The following CLCNKA variants were observed in gnomAD, a reference collection of about 807,000 sequenced individuals.
CLCNKA encodes the protein chloride voltage-gated channel Ka, also known as chloride channel protein ClC-Ka.
CLCNKA carries 66 observed loss-of-function variants against 83.3 expected under a neutral mutation model. The ratio of observed to expected loss-of-function variants is 0.79; its 90% CI spans 0.65 to 0.97. The LOEUF (loss-of-function observed/expected upper bound fraction) is 0.97. Among genes scored for constraint, CLCNKA ranks in the 50% least tolerant of loss-of-function variants. CLCNKA has a pLI of 0.00. For missense variants in CLCNKA, 806 were observed against 888.7 expected (o/e 0.91, Z 1.18); for synonymous variants, 357 against 370.4 (o/e 0.96, Z 0.42).
chr1:16,023,690 A>C (rs2022229281), intron 2 of CLCNKA, 110 bp from the exon 3 acceptor site: 2 of 1,355,044 alleles, frequency 1.5e-6, no homozygotes, highest in Non-Finnish European at 1.0e-6. Flanking sequence ...GGACTACCCC[A>C]GACTCAACTA....
chr1:16,026,595 G>A lies in CLCNKA; in HGVS notation c.558G>A (p.Thr186=). The part of the protein sequence containing the change: ...IAAYLGRVRT[T]TIGEPENKSK... ...CCTACCTGGGCCGTGTGCGCACCAC[G>A]ACCATCGGGGAGCCTGAGGTTAGGG... Residue 186 remains threonine, a synonymous_variant, in exon 6 of 20, where the codon ACG becomes ACA. Transcript: ENST00000331433. The A allele has an allele frequency of 6.2e-7, 1 of 1,614,060 alleles. No individual in the cohort carries two copies. Among genetic ancestry groups the A allele is most frequent in the East Asian group, 2.2e-5 (1 of 44,876 alleles).
chr1:16,031,473 G>A (rs531338858), intron 15 of CLCNKA, among the ~76,000 whole-genome samples: 36 of 152,316 alleles, frequency 2.4e-4, no homozygotes, highest in African/African-American at 8.7e-4. Flanking sequence ...AAGCTGGTCT[G>A]GGGGACATGG....
Position 16,028,047 on chromosome 1 carries a change from A to T in CLCNKA, c.896A>T (p.Tyr299Phe), listed in dbSNP as rs745462501. 6.2e-7 allele frequency: 1 copy of T among 1,613,046 alleles called. No individual in the cohort carries two copies. Among genetic ancestry groups the T allele is most frequent in the Non-Finnish European group, 8.5e-7 (1 of 1,179,462 alleles). Residue 299 changes from tyrosine (Y) to phenylalanine (F), a missense_variant, in exon 10 of 20, where the codon TAC becomes TTC. Transcript: ENST00000331433. ...GGICGVLSCA[Y>F]LFCQRTFLSF... The stretch of plus-strand genomic sequence containing the variant: ...ATCTGCGGCGTCCTGAGCTGTGCTT[A>T]CCTCTTCTGTCAGCGAACCTTCCTC...
intron 3 of CLCNKA, 116 bp from the exon 4 acceptor site, chr1:16,024,647 G>A (rs2022272693): frequency 4.2e-6 from 6 of 1,415,530 alleles, no homozygotes; most frequent in Non-Finnish European, 5.8e-6. Flanking sequence ...TCACTCTGTG[G>A]CCTGGTCCTC....
In CLCNKA at chr1:16,030,023, T is replaced by C. The variant is rs1354071258; in HGVS notation, c.1356T>C (p.Ile452=). 10 of 1,610,884 alleles carry C rather than the reference T, an allele frequency of 6.2e-6. No homozygotes were observed. Among genetic ancestry groups the C allele is most frequent in the Non-Finnish European group, 8.5e-6 (10 of 1,177,642 alleles). ...EALAVAFPEG[I]VTGGVTNPIM... is the part of the protein sequence containing the mutation. ...TTGCCGTCGCCTTCCCTGAGGGCAT[T>C]GTGACTGGAGGGGTTACCAATCCCA... Residue 452 remains isoleucine (I), a synonymous_variant, in exon 14 of 20, where the codon ATT becomes ATC. Coordinates refer to ENST00000331433, the MANE Select transcript of CLCNKA (RefSeq NM_004070.4).
chr1:16,029,619 G>T (rs1398743998), intron 12 of CLCNKA, 112 bp from the exon 13 acceptor site: 1 of 1,377,028 alleles, frequency 7.3e-7, no homozygotes, highest in Non-Finnish European at 1.0e-6. Flanking sequence ...TGGGTGCATG[G>T]CTGGCACCCT....
At chr1:16,026,286 AC>A (rs2022344143) in intron 5 of CLCNKA, 39 bp downstream of exon 5, 1 of 989,328 alleles carries the variant, frequency 1.0e-6, no homozygotes, top group African/African-American at 1.8e-5. Context: ...CACCCCGCCC[AC>A]CCTACCCTGC....
chr1:16,028,143 G>T, intron 10 of CLCNKA, 24 bp downstream of exon 10: 2 of 1,605,674 alleles, frequency 1.2e-6, no homozygotes, highest in Non-Finnish European at 1.7e-6. Context: ...TAGGGGCTGG[G>T]GACATCTCAG....
chr1:16,023,751 C>G, intron 2 of CLCNKA, 49 bp from the exon 3 acceptor site: 1 of 1,610,714 alleles, frequency 6.2e-7, no homozygotes, highest in Non-Finnish European at 8.5e-7. Context: ...AAGGGGCTGT[C>G]TGTGCCCCTT....
Position 16,026,130 on chromosome 1 carries a change from G to T in CLCNKA, c.381G>T (p.Lys127Asn). 1.2e-6 allele frequency: 2 copies of T among 1,612,954 alleles called. No homozygotes were observed. The highest frequency in any genetic ancestry group is 2.2e-5 in the South Asian group (2 of 91,030). The change falls in exon 5 of 20, where the codon AAG (lysine) becomes AAT (asparagine). Residue 127 changes from lysine to asparagine, a missense_variant. By Grantham distance (94) the Lys-to-Asn change is moderately conservative (BLOSUM62 0). Coordinates refer to ENST00000331433, the MANE Select transcript of CLCNKA (RefSeq NM_004070.4). The stretch of plus-strand genomic sequence containing the variant: ...AAGGTTCTGGAATCCCGGAGCTGAA[G>T]ACCATGTTGGCGGGTGTGATCTTGG... The part of the protein sequence containing the change: ...SSGGSGIPEL[K>N]TMLAGVILED...
chr1:16,023,835 C>T lies in CLCNKA; in HGVS notation c.136C>T (p.Leu46=), dbSNP rs201812226. 1.9e-6 allele frequency: 3 copies of T among 1,614,206 alleles called. No individual in the cohort carries two copies. Among genetic ancestry groups the T allele is most frequent in the East Asian group, 2.2e-5 (1 of 44,882 alleles). The change falls in exon 3 of 20, where the codon CTG becomes TTG. Residue 46 remains leucine (L), a synonymous_variant. Transcript: ENST00000331433. ...GTGGCTAAAGCAGAAGGTGTTCCGC[C>T]TGGGAGAAGACTGGTACTTCCTGAT... is the stretch of plus-strand genomic sequence containing the variant. ...LEWLKQKVFR[L]GEDWYFLMTL... is the part of the protein sequence containing the mutation.
chr1:16,029,204 T>C lies in CLCNKA; in HGVS notation c.1132T>C (p.Trp378Arg). 1 of 1,613,496 alleles carries C rather than the reference T, an allele frequency of 6.2e-7. No homozygotes were observed. Among genetic ancestry groups the C allele is most frequent in the Non-Finnish European group, 8.5e-7 (1 of 1,179,848 alleles). The change falls in exon 12 of 20, where the codon TGG (tryptophan) becomes CGG (arginine). Residue 378 changes from tryptophan to arginine, a missense_variant. Physicochemically the swap from Trp to Arg is moderately radical, Grantham distance 101 (BLOSUM62 -3). Coordinates refer to ENST00000331433, the MANE Select transcript of CLCNKA (RefSeq NM_004070.4). ...ALMTQNSSPP[W>R]PEELDPQHLW... is the part of the protein sequence containing the mutation. ...GATGACCCAGAACTCCAGCCCACCC[T>C]GGCCCGAGGAGCTCGACCCCCAGCA...
Position 16,024,893 on chromosome 1 carries a change from T to A in CLCNKA, c.358+2T>A. 6.2e-7 allele frequency: 1 copy of A among 1,613,972 alleles called. No individual in the cohort carries two copies. The highest frequency in any genetic ancestry group is 1.1e-5 in the South Asian group (1 of 91,070). On this transcript the variant is annotated splice_donor_variant, in intron 4 of 19. Coordinates refer to ENST00000331433, the MANE Select transcript of CLCNKA (RefSeq NM_004070.4). LOFTEE classifies it high-confidence loss of function. ...AGAGCATCACGCCCTCCTCTGGAGG[T>A]GAGTCCACGGTCGCCATGCCAGTCC...
intron 18 of CLCNKA, 50 bp downstream of exon 18, chr1:16,032,576 G>A: frequency 7.2e-7 from 1 of 1,390,168 alleles, no homozygotes; most frequent in Non-Finnish European, 1.0e-6. Context: ...GGCAGGGCAA[G>A]AGCTGATGAG....
At chr1:16,022,937 A>T (rs888764386) in intron 2 of CLCNKA, among the ~76,000 whole-genome samples, 7 of 152,204 alleles carry the variant, frequency 4.6e-5, no homozygotes, top group African/African-American at 1.7e-4. Context: ...CTTTCAGGAG[A>T]TACAGCCCAA....
rs1181714631 is a variant in CLCNKA, at chr1:16,022,716, C to T, written c.97C>T (p.Gln33Ter). ...CTGTCCCCACATCCGCCGAGCCATC[C>T]AAGGTGAGAGCCAGGTCCTCTTCCC... ...GPCPHIRRAI[Q>*]GGLEWLKQKV... The change falls in exon 2 of 20, where the codon CAA (glutamine) becomes TAA (stop). Residue 33 changes from glutamine to a stop codon, truncating the protein, a stop_gained. Transcript: ENST00000331433. LOFTEE classifies it high-confidence loss of function. 6.5e-7 allele frequency: 1 copy of T among 1,532,524 alleles called. No individual in the cohort carries two copies. 94.9% of individuals were successfully genotyped at this position (1,532,524 alleles called of 1,614,324 possible).
At chr1:16,029,360 G>C (rs761005220) in intron 12 of CLCNKA, 61 bp downstream of exon 12, 1 of 1,610,508 alleles carries the variant, frequency 6.2e-7, no homozygotes, top group South Asian at 1.1e-5. Flanking sequence ...GGGAGGGGCG[G>C]GGGTGCCTCC....
At position 16,024,776 on chromosome 1, in the gene CLCNKA, G is replaced by A. The variant is rs145153887; in HGVS notation, c.243G>A (p.Leu81=). The change falls in exon 4 of 20, where the codon CTG becomes CTA. Residue 81 remains leucine (L), a synonymous_variant. Transcript: ENST00000331433. ...IGCVVRAHQW[L]YREIGDSHLL... The stretch of plus-strand genomic sequence containing the variant: ...GGCTGTCCCCAGCACACCAGTGGCT[G>A]TACAGGGAGATTGGGGACAGCCACC... 3.1e-6 allele frequency: 5 copies of A among 1,614,094 alleles called. No individual in the cohort carries two copies. Among genetic ancestry groups the A allele is most frequent in the Admixed American group, 1.7e-5 (1 of 60,020 alleles).
rs375992567 is a variant in CLCNKA at position 16,024,877 on chromosome 1, C to A, written c.344C>A (p.Thr115Lys). Residue 115 changes from threonine (T) to lysine (K), a missense_variant, in exon 4 of 20, where the codon ACG becomes AAG. Physicochemically the swap from Thr to Lys is moderately conservative, Grantham distance 78. Coordinates refer to ENST00000331433, the MANE Select transcript of CLCNKA (RefSeq NM_004070.4). Reference protein sequence around the residue: ...SFSSGFSQSITPSSGGSGIPE... With the variant: ...SFSSGFSQSIKPSSGGSGIPE... ...TCCTCAGGCTTCTCCCAGAGCATCA[C>A]GCCCTCCTCTGGAGGTGAGTCCACG... 4 of 1,614,178 alleles carry A rather than the reference C, an allele frequency of 2.5e-6. No individual in the cohort carries two copies. The highest frequency in any genetic ancestry group is 3.3e-5 in the Admixed American group (2 of 60,022).
Sources: allele counts gnomAD v4.1 joint callset (sites outside exome capture counted in the v4.1 genomes callset), GRCh38; gene constraint gnomAD v4.1.1; transcripts MANE v1.5; gene names NCBI Gene and HGNC (gene_info 2026-07-23, HGNC 2026-07-21).